Variants in INTS6 observed in about 807,000 individuals in gnomAD.
INTS6 encodes DEAD box protein.
Under a neutral mutation model 104.9 loss-of-function variants are expected in INTS6, and 16 were observed. That is an observed-to-expected ratio of 0.15 (90% CI 0.10 to 0.23). The LOEUF (loss-of-function observed/expected upper bound fraction) is 0.23, where lower values mean the gene tolerates loss of function less well. Ranked by LOEUF, INTS6 falls within the 10% of genes least tolerant of loss-of-function variation. INTS6 has a pLI of 1.00. For synonymous variants in INTS6, 324 were observed against 358.7 expected (o/e 0.90, Z 1.09); for missense variants, 584 against 1,062.8 (o/e 0.55, Z 6.26).
intron 3 of INTS6, chr13:51,447,986 A>T (rs1009175603): frequency 2.6e-4 from 40 of 152,188 alleles, no homozygotes; most frequent in African/African-American, 9.7e-4. Flanking sequence ...TGAACCCAGG[A>T]GGAGGAGGCT....
downstream of INTS6, among the ~76,000 whole-genome samples, chr13:51,357,621 A>C (rs1955499889): frequency 6.6e-6 from 1 of 151,632 alleles, no homozygotes; most frequent in Non-Finnish European, 1.5e-5. Context: ...TGCCTTAAGG[A>C]CTCATTCAAT....
chr13:51,381,016 A>T (rs2137911559), intron 10 of INTS6, among the ~76,000 whole-genome samples: 1 of 152,350 alleles, frequency 6.6e-6, no homozygotes, highest in Admixed American at 6.5e-5. Flanking sequence ...AGGAAAAAAA[A>T]ATGGATCGTT....
the INTS6 span, chr13:51,346,883 A>T: frequency 1.6e-6 from 1 of 628,918 alleles, no homozygotes; most frequent in Non-Finnish European, 2.8e-6. Context: ...AAGATATTGT[A>T]AGATGAAGAG....
intron 3 of INTS6, chr13:51,442,455 C>T (rs1952816401): frequency 1.3e-5 from 2 of 152,314 alleles, no homozygotes; most frequent in African/African-American, 2.4e-5. Context: ...ATGATCTTCA[C>T]TCTGCATTGC....
chr13:51,389,204 T>G, intron 6 of INTS6, 115 bp downstream of exon 6: 1 of 1,001,610 alleles, frequency 1.0e-6, no homozygotes. Context: ...ACAGCCTTTC[T>G]GTCTTAATAA....
At chr13:51,387,852 T>C (rs1426430580) in intron 6 of INTS6, among the ~76,000 whole-genome samples, 1 of 152,204 alleles carries the variant, frequency 6.6e-6, no homozygotes, top group Non-Finnish European at 1.5e-5. Flanking sequence ...ATGAATGGCA[T>C]GTTTTCTTCA....
intron 4 of INTS6, among the ~76,000 whole-genome samples, chr13:51,400,649 A>C (rs1956419433): frequency 1.3e-5 from 2 of 152,222 alleles, no homozygotes; most frequent in African/African-American, 4.8e-5. Flanking sequence ...ATTACATGGA[A>C]GGAAAAAAAG....
At chr13:51,424,701 C>T (rs769780155) in intron 4 of INTS6, among the ~76,000 whole-genome samples, 6 of 151,890 alleles carry the variant, frequency 4.0e-5, no homozygotes, top group Non-Finnish European at 8.8e-5. Context: ...ACATCTGAAT[C>T]GCAAATCAGT....
In INTS6 at chr13:51,372,303, CAGTT is replaced by C. The variant is rs1178572901; in HGVS notation, c.2104+1901_2104+1904del. Among the ~76,000 whole-genome samples the C allele has an allele frequency of 4.4e-4, 62 of 142,368 alleles. 1 individual carries two copies. The South Asian group carries it at 0.013, about 30-fold the overall frequency. The allele number at this position is 142,368 out of a possible 152,430, so 93.4% of individuals were successfully genotyped here. On this transcript the variant is annotated intron_variant, in intron 15 of 17. Transcript: ENST00000311234. The stretch of plus-strand genomic sequence containing the variant: ...AATCTTTCCATTTCTCTTGATTGAA[CAGTT>C]TTTTTTTTTTTTTTAAAGTATTTGG...
chr13:51,378,992 C>T (rs1232929051), intron 11 of INTS6, among the ~76,000 whole-genome samples: 1 of 151,984 alleles, frequency 6.6e-6, no homozygotes, highest in Non-Finnish European at 1.5e-5. Context: ...ATTTCACAGT[C>T]AGTTAAACTA....
At chr13:51,426,857 G>A (rs565909765) in intron 4 of INTS6, among the ~76,000 whole-genome samples, 8 of 152,164 alleles carry the variant, frequency 5.3e-5, no homozygotes, top group South Asian at 2.1e-4. Context: ...GGCAGCAGCC[G>A]TATCAGGAAG....
chr13:51,425,875 A>C (rs1188049631), intron 4 of INTS6, among the ~76,000 whole-genome samples: 1 of 152,074 alleles, frequency 6.6e-6, no homozygotes, highest in African/African-American at 2.4e-5. Flanking sequence ...GGAAGTAAGT[A>C]ATATAGTTTT....
the INTS6 span, among the ~76,000 whole-genome samples, chr13:51,336,376 A>G: frequency 6.6e-6 from 1 of 152,040 alleles, no homozygotes; most frequent in Non-Finnish European, 1.5e-5. Flanking sequence ...AATCCCAGCT[A>G]CTCGCGAGGC....
chr13:51,452,643 G>A lies in INTS6; in HGVS notation c.-118C>T. ...GGCGGGGGAGCACGGCCCCCGGGAG[G>A]AAAACACTGTCTGGGTCTTTCCTCC... On this transcript the variant is annotated 5_prime_UTR_variant, in exon 1 of 18. Coordinates refer to ENST00000311234, the MANE Select transcript of INTS6 (RefSeq NM_012141.3). The surrounding 1 kb of genome is among the most constrained non-coding windows in gnomAD (Gnocchi z 4.2). The A allele has an allele frequency of 2.0e-6, 3 of 1,501,088 alleles. 1 individual carries two copies. The highest frequency in any genetic ancestry group is 2.4e-5 in the South Asian group (2 of 84,486). The allele number at this position is 1,501,088 out of a possible 1,614,324, so 93.0% of individuals were successfully genotyped here.
intron 5 of INTS6, among the ~76,000 whole-genome samples, chr13:51,392,181 T>C (rs776651063): frequency 3.3e-5 from 5 of 152,238 alleles, no homozygotes; most frequent in East Asian, 1.9e-4. Flanking sequence ...ATTTCAGAAA[T>C]AGAAATCAGA....
intron 3 of INTS6, chr13:51,440,647 A>G (rs539553453): frequency 1.3e-5 from 2 of 152,184 alleles, no homozygotes; most frequent in Non-Finnish European, 2.9e-5. Flanking sequence ...GTCAATGTTT[A>G]TATCTGTTTA....
intron 17 of INTS6, among the ~76,000 whole-genome samples, chr13:51,367,027 G>C (rs1291412801): frequency 6.6e-6 from 1 of 151,840 alleles, no homozygotes; most frequent in Non-Finnish European, 1.5e-5. Context: ...TGATCCCTCG[G>C]TATGGATGGG....
intron 3 of INTS6, among the ~76,000 whole-genome samples, chr13:51,433,842 TAAC>T (rs1246979376): frequency 2.0e-5 from 3 of 152,176 alleles, no homozygotes; most frequent in African/African-American, 7.2e-5. Context: ...ATTACTATAA[TAAC>T]AATAACATTA....
At chr13:51,334,661 A>T in the INTS6 span, among the ~76,000 whole-genome samples, 1 of 152,198 alleles carries the variant, frequency 6.6e-6, no homozygotes, top group Admixed American at 6.5e-5. Flanking sequence ...AAGAATAGTA[A>T]AGAGCAGAAC....
Sources: gnomAD v4.1 joint callset for allele counts (sites outside exome capture counted in the v4.1 genomes callset) on GRCh38, gnomAD v4.1.1 for gene constraint, Gnocchi (gnomAD v3.1) non-coding constraint, MANE v1.5 for transcripts, NCBI Gene and HGNC (gene_info 2026-07-23, HGNC 2026-07-21) for gene names.